UBN2: variants seen among roughly 807,000 people sequenced by gnomAD.
The protein encoded by UBN2 is ubinuclein-2.
UBN2 carries 35 observed loss-of-function variants against 120.2 expected under a neutral mutation model. That is an observed-to-expected ratio of 0.29 (90% CI 0.22 to 0.39). The LOEUF (loss-of-function observed/expected upper bound fraction) is 0.39, where lower values mean the gene tolerates loss of function less well. Among genes scored for constraint, UBN2 ranks in the 10% least tolerant of loss-of-function variants. The pLI is 1.00. For missense variants in UBN2, 1,693 were observed against 1,663.2 expected (o/e 1.02, Z -0.31); for synonymous variants, 661 against 648.7 (o/e 1.02, Z -0.29).
chr7:139,236,120 G>A (rs1796156175), intron 1 of UBN2, among the ~76,000 whole-genome samples: 1 of 152,088 alleles, frequency 6.6e-6, no homozygotes, highest in African/African-American at 2.4e-5. Context: ...ATATATGTTT[G>A]TATACTAAAA....
At chr7:139,239,694 A>G (rs1359243808) in intron 2 of UBN2, among the ~76,000 whole-genome samples, 1 of 151,442 alleles carries the variant, frequency 6.6e-6, no homozygotes, top group Admixed American at 6.6e-5. Flanking sequence ...AGTAGCTGGG[A>G]CTGCAGGCAT....
In UBN2 at chr7:139,299,770, A is replaced by G. The variant is rs1798210225; in HGVS notation, c.*1934A>G. On this transcript the variant is annotated 3_prime_UTR_variant, in exon 18 of 18. Coordinates refer to ENST00000473989, the MANE Select transcript of UBN2 (RefSeq NM_173569.4). ...AGATTTGCTTGGTTTCAATTAAGGA[A>G]GCTTGCCCAATTTTTTTAATTTTTT... is the stretch of plus-strand genomic sequence containing the variant. 1 of 152,136 alleles carries G rather than the reference A, an allele frequency of 6.6e-6. No homozygotes were observed. The highest frequency in any genetic ancestry group is 1.5e-5 in the Non-Finnish European group (1 of 68,012). 9.4% of individuals were successfully genotyped at this position (152,136 alleles called of 1,614,324 possible).
chr7:139,232,449 G>T (rs916166845), intron 1 of UBN2, among the ~76,000 whole-genome samples: 8 of 152,208 alleles, frequency 5.3e-5, no homozygotes, highest in Non-Finnish European at 1.0e-4. Flanking sequence ...GGGCGCCGTG[G>T]CTGCTGAGGT....
rs1183615318 is a variant in UBN2, at chr7:139,305,825, CTT to C, written c.*7990_*7991del. 5.3e-5 allele frequency: 8 copies of C among 152,050 alleles called. No individual in the cohort carries two copies. Among genetic ancestry groups the C allele is most frequent in the African/African-American group, 1.9e-4 (8 of 41,398 alleles). The allele number at this position is 152,050 out of a possible 1,614,324, so 9.4% of individuals were successfully genotyped here. A position where few individuals can be genotyped will look rare whatever the true frequency, so the allele number is the denominator to read the frequency against. On this transcript the variant is annotated 3_prime_UTR_variant, in exon 18 of 18. Transcript: ENST00000473989. ...ATAATGCGGCATTTCATGACTTCCT[CTT>C]GTTACTTTTCAAGGTTATTCTAAAG...
At chr7:139,294,333 T>TA (rs796154927) in intron 17 of UBN2, among the ~76,000 whole-genome samples, 36 of 152,336 alleles carry the variant, frequency 2.4e-4, no homozygotes, top group African/African-American at 7.9e-4. Flanking sequence ...GTGGATTAGC[T>TA]AACTTAATCC....
At position 139,300,025 on chromosome 7, in the gene UBN2, CAAAA is replaced by C. The variant is rs1196204382; in HGVS notation, c.*2192_*2195del. On this transcript the variant is annotated 3_prime_UTR_variant, in exon 18 of 18. Coordinates refer to ENST00000473989, the MANE Select transcript of UBN2 (RefSeq NM_173569.4). ...ATTCATATAAATGACTAGTTTGAGT[CAAAA>C]AATCATTTGAATTTCTTAAAACCAT... 7.9e-5 allele frequency: 12 copies of C among 151,952 alleles called. No individual in the cohort carries two copies. Among genetic ancestry groups the C allele is most frequent in the Non-Finnish European group, 1.6e-4 (11 of 68,000 alleles). The allele number at this position is 151,952 out of a possible 1,614,324, so 9.4% of individuals were successfully genotyped here.
At chr7:139,236,762 GACTT>G (rs763479009) in intron 1 of UBN2, among the ~76,000 whole-genome samples, 56 of 150,326 alleles carry the variant, frequency 3.7e-4, no homozygotes, top group Middle Eastern at 3.4e-3. Context: ...TAATACTTCT[GACTT>G]ACTTGTTAGT....
At chr7:139,292,877 C>T (rs999285281) in intron 15 of UBN2, among the ~76,000 whole-genome samples, 2 of 152,110 alleles carry the variant, frequency 1.3e-5, no homozygotes, top group African/African-American at 4.8e-5. Flanking sequence ...TCTGCAGCAG[C>T]CGCTGCAGGA....
chr7:139,294,523 C>G (rs1426789537), intron 17 of UBN2, among the ~76,000 whole-genome samples: 2 of 152,182 alleles, frequency 1.3e-5, no homozygotes, highest in Non-Finnish European at 2.9e-5. Context: ...GATTAAATGT[C>G]TTGGCATTTT....
chr7:139,256,938 C>T (rs1422625050), intron 3 of UBN2, among the ~76,000 whole-genome samples: 1 of 152,126 alleles, frequency 6.6e-6, no homozygotes, highest in Non-Finnish European at 1.5e-5. Context: ...AAAATTACAA[C>T]TTTTGTACTT....
At position 139,266,419 on chromosome 7, in the gene UBN2, T is replaced by TAA. The variant is rs762275751; in HGVS notation, c.1466+26_1466+27dup. 3.0e-4 allele frequency: 332 copies of TAA among 1,105,306 alleles called. No homozygotes were observed. The highest frequency in any genetic ancestry group is 6.0e-4 in the South Asian group (37 of 61,990). 68.5% of individuals were successfully genotyped at this position (1,105,306 alleles called of 1,614,324 possible). A position where few individuals can be genotyped will look rare whatever the true frequency, so the allele number is the denominator to read the frequency against. On this transcript the variant is annotated intron_variant, in intron 7 of 17. Transcript: ENST00000473989. ...TTCTTCTGGAGTAAGTAATTTTCTT[T>TAA]AAAAAAAAAAACCTTAAGAATGATA...
At chr7:139,238,379 T>G (rs1396832993) in intron 2 of UBN2, among the ~76,000 whole-genome samples, 1 of 152,320 alleles carries the variant, frequency 6.6e-6, no homozygotes, top group Non-Finnish European at 1.5e-5. Context: ...TGCCATCTGC[T>G]AATTGTGTCC....
At chr7:139,250,615 G>A (rs1230286437) in intron 2 of UBN2, among the ~76,000 whole-genome samples, 1 of 151,558 alleles carries the variant, frequency 6.6e-6, no homozygotes, top group Non-Finnish European at 1.5e-5. Context: ...GAAATCCCAT[G>A]TGCCTGTTGA....
chr7:139,294,041 T>C, intron 17 of UBN2, 60 bp downstream of exon 17: 1 of 1,533,670 alleles, frequency 6.5e-7, no homozygotes, highest in Admixed American at 1.7e-5. Flanking sequence ...ATATGGATTA[T>C]ACTTTTCTGA....
chr7:139,318,782 C>G, the UBN2 span, among the ~76,000 whole-genome samples: 1 of 152,048 alleles, frequency 6.6e-6, no homozygotes, highest in Admixed American at 6.6e-5. Context: ...CAAGACTGAC[C>G]GCTTCAAATT....
Position 139,301,994 on chromosome 7 carries a change from TAACTC to T in UBN2, c.*4159_*4163del, listed in dbSNP as rs1241140539. ...TTATAAAATTTTAAGGGGAAAAGTTTAACTCTTTGTAAATCATTTCTTAGCTCTGG... is the reference window on the plus strand; with the variant it reads ...TTATAAAATTTTAAGGGGAAAAGTTTTTTGTAAATCATTTCTTAGCTCTGG... On this transcript the variant is annotated 3_prime_UTR_variant, in exon 18 of 18. Coordinates refer to ENST00000473989, the MANE Select transcript of UBN2 (RefSeq NM_173569.4). The T allele has an allele frequency of 6.6e-6, 1 of 152,222 alleles. No individual in the cohort carries two copies. The highest frequency in any genetic ancestry group is 1.9e-4 in the East Asian group (1 of 5,200). 9.4% of individuals were successfully genotyped at this position (152,222 alleles called of 1,614,324 possible). A position where few individuals can be genotyped will look rare whatever the true frequency, so the allele number is the denominator to read the frequency against.
At chr7:139,266,641 G>A (rs934802131) in intron 7 of UBN2, among the ~76,000 whole-genome samples, 5 of 152,120 alleles carry the variant, frequency 3.3e-5, no homozygotes, top group African/African-American at 9.7e-5. Context: ...AGCAAGTGAC[G>A]ACTATGCAGG....
Position 139,231,587 on chromosome 7 carries a change from C to G in UBN2, c.103C>G (p.Pro35Ala), listed in dbSNP as rs1013824506. 1.4e-6 allele frequency: 2 copies of G among 1,390,160 alleles called. No individual in the cohort carries two copies. The highest frequency in any genetic ancestry group is 1.9e-6 in the Non-Finnish European group (2 of 1,063,142). 86.1% of individuals were successfully genotyped at this position (1,390,160 alleles called of 1,614,324 possible). The change falls in exon 1 of 18, where the codon CCC (proline) becomes GCC (alanine). Residue 35 changes from proline to alanine, a missense_variant. Transcript: ENST00000473989. ...GCGTGAGCCCGAGTACCCCCGCGAG[C>G]CCCCCCGGCTGGAGCCGCAGCCGTA... ...PEREPEYPREPPRLEPQPYRE... is the reference protein window; with the variant it reads ...PEREPEYPREAPRLEPQPYRE...
At chr7:139,316,046 C>T in the UBN2 span, among the ~76,000 whole-genome samples, 3 of 132,812 alleles carry the variant, frequency 2.3e-5, no homozygotes, top group African/African-American at 8.7e-5. Flanking sequence ...TGTTGCACTC[C>T]AGCCTGGGCA....
Sources: gnomAD v4.1 joint callset for allele counts (sites outside exome capture counted in the v4.1 genomes callset) on GRCh38, gnomAD v4.1.1 for gene constraint, MANE v1.5 for transcripts, NCBI Gene and HGNC (gene_info 2026-07-23, HGNC 2026-07-21) for gene names.